Variants in ATE1 observed in about 807,000 individuals in gnomAD.
ATE1 encodes arginyl-tRNA--protein transferase 1.
Under a neutral mutation model 70.5 loss-of-function variants are expected in ATE1, and 36 were observed. The observed-to-expected ratio is 0.51, with a 90% CI of 0.39 to 0.67. The LOEUF is 0.67. Among genes scored for constraint, ATE1 ranks in the 30% least tolerant of loss-of-function variants. ATE1 has a pLI of 0.00. For synonymous variants in ATE1, 232 were observed against 219.3 expected, an observed-to-expected ratio of 1.06 and a Z score of -0.51; for missense variants, 593 against 629.5, an observed-to-expected ratio of 0.94 and a Z score of 0.62.
rs1038999851 is a variant in ATE1 at position 121,745,441 on chromosome 10, G to A, written c.1379-1583C>T. On this transcript the variant is annotated intron_variant, in intron 11 of 11. Coordinates refer to ENST00000224652, the MANE Select transcript of ATE1 (RefSeq NM_001001976.3). Reference sequence around the variant, plus strand: ...AAGTGGGTTAAGAACCACAGGCGGGGTGCAGTGGCTCACGCCTGTAATCCC... The same window carrying A: ...AAGTGGGTTAAGAACCACAGGCGGGATGCAGTGGCTCACGCCTGTAATCCC... 3.9e-5 allele frequency among the ~76,000 whole-genome samples: 6 copies of A among 152,300 alleles called. No homozygotes were observed. The East Asian group carries it at 1.2e-3, about 29-fold the overall frequency.
At chr10:121,909,435 A>AT in intron 5 of ATE1, among the ~76,000 whole-genome samples, 2 of 152,206 alleles carry the variant, frequency 1.3e-5, no homozygotes, top group Middle Eastern at 3.4e-3. Flanking sequence ...TATTGTGAAT[A>AT]TTTTTTTTAA....
At position 121,779,736 on chromosome 10, in the gene ATE1, A is replaced by C. The variant is rs962101645; in HGVS notation, c.1378+10433T>G. ...CTCCATCAGACTTACCACTCTAGCCAGTGTCTTCAAAATCAAGTTTCATTA... is the reference window on the plus strand; with the variant it reads ...CTCCATCAGACTTACCACTCTAGCCCGTGTCTTCAAAATCAAGTTTCATTA... On this transcript the variant is annotated intron_variant, in intron 11 of 11. Coordinates refer to ENST00000224652, the MANE Select transcript of ATE1 (RefSeq NM_001001976.3). Among the ~76,000 whole-genome samples, 8 of 152,152 alleles carry C rather than the reference A, an allele frequency of 5.3e-5. 1 individual carries two copies. Among genetic ancestry groups the C allele is most frequent in the South Asian group, 4.1e-4 (2 of 4,826 alleles).
intron 8 of ATE1, among the ~76,000 whole-genome samples, chr10:121,845,830 C>T (rs1336949007): frequency 6.6e-6 from 1 of 152,112 alleles, no homozygotes; most frequent in African/African-American, 2.4e-5. Flanking sequence ...TCATGTTTAG[C>T]TTAGTATAGA....
intron 11 of ATE1, among the ~76,000 whole-genome samples, chr10:121,782,029 A>G (rs907441411): frequency 1.3e-5 from 2 of 152,206 alleles, no homozygotes; most frequent in African/African-American, 4.8e-5. Flanking sequence ...TTTTCTGCAA[A>G]GAGACCAAGT....
chr10:121,757,419 T>C (rs980717689), intron 11 of ATE1, among the ~76,000 whole-genome samples: 1 of 152,180 alleles, frequency 6.6e-6, no homozygotes, highest in Non-Finnish European at 1.5e-5. Flanking sequence ...CATTTTAGGG[T>C]AGCTTTTCAG....
At chr10:121,809,194 G>T (rs1305943622) in intron 10 of ATE1, among the ~76,000 whole-genome samples, 1 of 152,028 alleles carries the variant, frequency 6.6e-6, no homozygotes, top group Non-Finnish European at 1.5e-5. Context: ...TTTATCACTG[G>T]CAACAAACAG....
At chr10:121,862,554 T>TTTTTTTG (rs57498255) in intron 8 of ATE1, among the ~76,000 whole-genome samples, 1 of 145,998 alleles carries the variant, frequency 6.8e-6, no homozygotes. Flanking sequence ...TTTTTTTTTT[T>TTTTTTTG]GTAGAGACGT....
At chr10:121,834,623 G>C (rs1948365456) in intron 10 of ATE1, among the ~76,000 whole-genome samples, 2 of 151,932 alleles carry the variant, frequency 1.3e-5, no homozygotes, top group Non-Finnish European at 1.5e-5. Context: ...ATTTAGTCTG[G>C]ACTAGAGTCA....
intron 7 of ATE1, among the ~76,000 whole-genome samples, chr10:121,893,255 T>C (rs11200227): frequency 0.14 from 19,886 of 141,042 alleles, 1,527 homozygotes; most frequent in Middle Eastern, 0.21. Flanking sequence ...CTAGCCTGGG[T>C]GACAGAGTGA....
chr10:121,864,609 T>C (rs1949595763), intron 8 of ATE1, among the ~76,000 whole-genome samples: 1 of 152,208 alleles, frequency 6.6e-6, no homozygotes, highest in South Asian at 2.1e-4. Context: ...TCATAATCAG[T>C]AGGGTTGAAT....
At chr10:121,840,974 T>C (rs932903066) in intron 9 of ATE1, 108 bp downstream of exon 9, 6 of 1,030,606 alleles carry the variant, frequency 5.8e-6, no homozygotes, top group Non-Finnish European at 7.8e-6. Context: ...ATCATTATAA[T>C]ACACTGTCAA....
chr10:121,759,149 A>G (rs1343417246), intron 11 of ATE1, among the ~76,000 whole-genome samples: 1 of 152,248 alleles, frequency 6.6e-6, no homozygotes, highest in Non-Finnish European at 1.5e-5. Context: ...CTGCAAATAC[A>G]AAAGAAAAGT....
intron 10 of ATE1, among the ~76,000 whole-genome samples, chr10:121,805,084 C>T (rs975818747): frequency 3.3e-5 from 5 of 152,048 alleles, no homozygotes; most frequent in East Asian, 3.9e-4. Context: ...CTTCTCTTTC[C>T]GCAATAACAG....
intron 8 of ATE1, among the ~76,000 whole-genome samples, chr10:121,863,106 C>T (rs955049296): frequency 6.6e-6 from 1 of 152,112 alleles, no homozygotes; most frequent in African/African-American, 2.4e-5. Flanking sequence ...ACATTTCTCC[C>T]TTCAGTTCTA....
chr10:121,762,779 C>T (rs553586115), intron 11 of ATE1, among the ~76,000 whole-genome samples: 19 of 152,282 alleles, frequency 1.2e-4, no homozygotes, highest in Admixed American at 1.2e-3. Flanking sequence ...CTAGCTTTTA[C>T]GAATCTTAAA....
intron 11 of ATE1, among the ~76,000 whole-genome samples, chr10:121,766,866 AG>A (rs1945299862): frequency 6.6e-6 from 1 of 152,194 alleles, no homozygotes; most frequent in Admixed American, 6.5e-5. Context: ...ATGCTCCAGA[AG>A]GGCCTGGAAA....
chr10:121,840,989 G>C, intron 9 of ATE1, 93 bp downstream of exon 9: 1 of 1,137,162 alleles, frequency 8.8e-7, no homozygotes, highest in Non-Finnish European at 1.2e-6. Flanking sequence ...TGTCAATTAG[G>C]ACTTCTACTG....
chr10:121,809,374 G>A (rs1025351295), intron 10 of ATE1, among the ~76,000 whole-genome samples: 4 of 151,258 alleles, frequency 2.6e-5, no homozygotes, highest in African/African-American at 7.3e-5. Flanking sequence ...TCAGCTACAC[G>A]AGTGTTTTTC....
intron 7 of ATE1, among the ~76,000 whole-genome samples, chr10:121,892,142 A>G (rs115598820): frequency 0.016 from 2,394 of 152,274 alleles, 59 homozygotes; most frequent in African/African-American, 0.055. Context: ...CATCCCAATC[A>G]GTTTTTCTCA....
Sources: gnomAD v4.1 joint callset for allele counts (sites outside exome capture counted in the v4.1 genomes callset) on GRCh38, gnomAD v4.1.1 for gene constraint, MANE v1.5 for transcripts, NCBI Gene and HGNC (gene_info 2026-07-23, HGNC 2026-07-21) for gene names.